UMAD1: variants seen among roughly 807,000 people sequenced by gnomAD.
UMAD1 encodes the protein UBAP1-MVB12-associated (UMA) domain containing 1, also known as UBAP1-MVB12-associated (UMA)-domain containing protein 1.
UMAD1 carries 8 observed loss-of-function variants against 6.1 expected under a neutral mutation model. That is an observed-to-expected ratio of 1.30 (90% CI 0.76 to 2.35). UMAD1 has a LOEUF of 2.35. UMAD1 is among the 30% of genes most tolerant of loss of function. The pLI is 0.00. For missense variants in UMAD1, 130 were observed against 78.4 expected, an observed-to-expected ratio of 1.66 and a Z score of -2.49; for synonymous variants, 56 against 31.4, an observed-to-expected ratio of 1.78 and a Z score of -2.61.
chr7:7,851,059 T>A (rs1015439247), intron 3 of UMAD1, among the ~76,000 whole-genome samples: 2 of 152,188 alleles, frequency 1.3e-5, no homozygotes, highest in African/African-American at 2.4e-5. Flanking sequence ...GTAGCTTTGA[T>A]ATGTTGGAAG....
At chr7:7,804,484 G>C (rs936075354) in intron 3 of UMAD1, among the ~76,000 whole-genome samples, 2 of 152,106 alleles carry the variant, frequency 1.3e-5, no homozygotes, top group African/African-American at 4.8e-5. Context: ...ACCAGCCTGG[G>C]CAACATGATG....
At chr7:7,820,584 C>T (rs1783223057) in intron 3 of UMAD1, among the ~76,000 whole-genome samples, 1 of 152,196 alleles carries the variant, frequency 6.6e-6, no homozygotes, top group African/African-American at 2.4e-5. Context: ...ATCTATGCTT[C>T]AGCTCCTCAA....
intron 2 of UMAD1, chr7:7,741,142 C>T (rs557767555): frequency 5.3e-5 from 8 of 152,158 alleles, no homozygotes; most frequent in South Asian, 2.1e-4. Context: ...TAAACTTCTT[C>T]AGGTTATAAA....
At chr7:7,852,669 T>C (rs762563937) in intron 3 of UMAD1, among the ~76,000 whole-genome samples, 1 of 152,188 alleles carries the variant, frequency 6.6e-6, no homozygotes, top group African/African-American at 2.4e-5. Context: ...ACAGGAACTC[T>C]GTTCCTGTGG....
chr7:7,828,385 C>T (rs1293686285), intron 3 of UMAD1, among the ~76,000 whole-genome samples: 1 of 152,212 alleles, frequency 6.6e-6, no homozygotes, highest in Non-Finnish European at 1.5e-5. Context: ...TTGACATACT[C>T]AGGTCACATA....
chr7:7,662,455 C>T (rs1008281488), intron 1 of UMAD1, among the ~76,000 whole-genome samples: 1 of 152,174 alleles, frequency 6.6e-6, no homozygotes, highest in African/African-American at 2.4e-5. Context: ...TAGGCACCGG[C>T]GGGAATCTCC....
chr7:7,661,776 C>T (rs1785480915), intron 1 of UMAD1, among the ~76,000 whole-genome samples: 2 of 152,160 alleles, frequency 1.3e-5, no homozygotes, highest in Admixed American at 1.3e-4. Flanking sequence ...AGTCAGGAGA[C>T]ATGGGTGTCA....
chr7:7,701,285 T>G (rs911479101), intron 2 of UMAD1, among the ~76,000 whole-genome samples: 2 of 152,186 alleles, frequency 1.3e-5, no homozygotes, highest in Non-Finnish European at 2.9e-5. Flanking sequence ...AATTTGTGGC[T>G]GAGAAAGTTA....
intron 2 of UMAD1, among the ~76,000 whole-genome samples, chr7:7,762,458 A>C (rs544442846): frequency 6.6e-5 from 10 of 151,988 alleles, no homozygotes; most frequent in African/African-American, 9.7e-5. Context: ...TTTTCCTTTC[A>C]TTTTTCGTGG....
At chr7:7,832,538 G>A (rs1783486805) in intron 3 of UMAD1, among the ~76,000 whole-genome samples, 1 of 152,158 alleles carries the variant, frequency 6.6e-6, no homozygotes, top group South Asian at 2.1e-4. Flanking sequence ...AGAAGATAGT[G>A]TTATAGCCAT....
chr7:7,802,746 G>C (rs1332004448), intron 3 of UMAD1, among the ~76,000 whole-genome samples: 2 of 152,164 alleles, frequency 1.3e-5, no homozygotes, highest in Non-Finnish European at 2.9e-5. Flanking sequence ...CAGAGACCTG[G>C]CCAGTGTGAT....
At chr7:7,803,067 C>G (rs1320104520) in intron 3 of UMAD1, among the ~76,000 whole-genome samples, 2 of 152,098 alleles carry the variant, frequency 1.3e-5, no homozygotes, top group Non-Finnish European at 2.9e-5. Flanking sequence ...TTACACTGAC[C>G]GTACTCAAGA....
At chr7:7,732,160 C>A (rs1781272160) in intron 2 of UMAD1, among the ~76,000 whole-genome samples, 1 of 151,842 alleles carries the variant, frequency 6.6e-6, no homozygotes, top group Non-Finnish European at 1.5e-5. Flanking sequence ...ATTCCTGTTC[C>A]TTTTAAGAAA....
chr7:7,790,706 G>C (rs902760651), intron 2 of UMAD1, among the ~76,000 whole-genome samples: 18 of 152,220 alleles, frequency 1.2e-4, no homozygotes, highest in African/African-American at 4.1e-4. Context: ...AATTAAGGCA[G>C]TAATTTCTCA....
chr7:7,795,859 G>A (rs577160028), intron 2 of UMAD1, among the ~76,000 whole-genome samples: 14 of 152,244 alleles, frequency 9.2e-5, no homozygotes, highest in Admixed American at 9.2e-4. Context: ...CTTCTTTACT[G>A]CATCTTCATT....
chr7:7,792,384 T>G (rs1232715549), intron 2 of UMAD1, among the ~76,000 whole-genome samples: 1 of 152,174 alleles, frequency 6.6e-6, no homozygotes, highest in African/African-American at 2.4e-5. Context: ...TCTATTCCTC[T>G]TTTCTTCATT....
intron 3 of UMAD1, among the ~76,000 whole-genome samples, chr7:7,807,691 G>C (rs1043907477): frequency 6.6e-6 from 1 of 152,014 alleles, no homozygotes; most frequent in Non-Finnish European, 1.5e-5. Flanking sequence ...GCATTTACAC[G>C]AATGATTGTC....
chr7:7,751,977 A>G (rs1015399579), intron 2 of UMAD1, among the ~76,000 whole-genome samples: 18 of 152,218 alleles, frequency 1.2e-4, no homozygotes, highest in African/African-American at 4.1e-4. Flanking sequence ...TGAGTTGAGA[A>G]TATACAACTT....
At chr7:7,692,385 G>A (rs1459201442) in intron 2 of UMAD1, 1 of 152,196 alleles carries the variant, frequency 6.6e-6, no homozygotes, top group African/African-American at 2.4e-5. Context: ...GACATTCCAA[G>A]AGAGAAGAAT....
Sources: gnomAD v4.1 joint callset for allele counts (sites outside exome capture counted in the v4.1 genomes callset) on GRCh38, gnomAD v4.1.1 for gene constraint, MANE v1.5 for transcripts, NCBI Gene and HGNC (gene_info 2026-07-23, HGNC 2026-07-21) for gene names.